The following CDC42SE2 variants were observed in gnomAD, a reference collection of about 807,000 sequenced individuals.
The protein encoded by CDC42SE2 is CDC42 small effector 2, also known as CDC42 small effector protein 2.
Under a neutral mutation model 11.5 loss-of-function variants are expected in CDC42SE2, and 3 were observed. The ratio of observed to expected loss-of-function variants is 0.26; its 90% confidence interval spans 0.12 to 0.67. CDC42SE2 has a LOEUF of 0.67. Among genes scored for constraint, CDC42SE2 ranks in the 30% least tolerant of loss-of-function variants. The probability of loss-of-function intolerance (pLI) is 0.80; values close to 1 mark genes in which losing one functional copy is unlikely to be tolerated. For synonymous variants in CDC42SE2, 33 were observed against 34.8 expected (o/e 0.95, Z 0.18); for missense variants, 82 against 106.8 (o/e 0.77, Z 1.02).
chr5:131,329,879 C>CAAAAAAAAAAAAAAAAAAAAAAAA lies in CDC42SE2; in HGVS notation c.-286+13755_-286+13778dup, dbSNP rs747152132. 2.1e-4 allele frequency among the ~76,000 whole-genome samples: 12 copies of CAAAAAAAAAAAAAAAAAAAAAAAA among 56,626 alleles called. 2 individuals carry two copies. The highest frequency in any genetic ancestry group is 2.8e-4 in the Non-Finnish European group (7 of 25,238). 37.1% of individuals were successfully genotyped at this position (56,626 alleles called of 152,430 possible). A position where few individuals can be genotyped will look rare whatever the true frequency, so the allele number is the denominator to read the frequency against. On this transcript the variant is annotated intron_variant, in intron 2 of 4. Coordinates refer to ENST00000505065, the MANE Select transcript of CDC42SE2 (RefSeq NM_001375635.1). Reference sequence around the variant, plus strand: ...GGGCAACAAGAGTGAAACTCCATCTCAAAAAAAAAAAAAAAAAAAAAAAAA... The same window carrying CAAAAAAAAAAAAAAAAAAAAAAAA: ...GGGCAACAAGAGTGAAACTCCATCTCAAAAAAAAAAAAAAAAAAAAAAAAAAAAAAAAAAAAAAAAAAAAAAAAA...
At chr5:131,211,040 G>A in the CDC42SE2 span, among the ~76,000 whole-genome samples, 1 of 152,174 alleles carries the variant, frequency 6.6e-6, no homozygotes, top group African/African-American at 2.4e-5. Context: ...GTTTTGCCAT[G>A]TAGGCTAGGC....
chr5:131,312,179 G>T (rs1272546788), intron 1 of CDC42SE2, among the ~76,000 whole-genome samples: 1 of 151,812 alleles, frequency 6.6e-6, no homozygotes, highest in African/African-American at 2.4e-5. Context: ...ACCCTCAGCT[G>T]CCGGTCTGTT....
intron 1 of CDC42SE2, among the ~76,000 whole-genome samples, chr5:131,309,390 T>G (rs2149722623): frequency 6.6e-6 from 1 of 152,276 alleles, no homozygotes; most frequent in South Asian, 2.1e-4. Context: ...TCATCAAGGA[T>G]ATTGGTCTAA....
rs933566483 is a variant in CDC42SE2, at chr5:131,291,213, G to T, written c.-454-24763G>T. Reference sequence around the variant, plus strand: ...TATATAATGAAGGTGAATTATTATGGTCCATGAATTTATGTATATGATTTT... The same window carrying T: ...TATATAATGAAGGTGAATTATTATGTTCCATGAATTTATGTATATGATTTT... On this transcript the variant is annotated intron_variant, in intron 1 of 4. Coordinates refer to ENST00000505065, the MANE Select transcript of CDC42SE2 (RefSeq NM_001375635.1). 6.0e-4 allele frequency among the ~76,000 whole-genome samples: 91 copies of T among 152,022 alleles called. 1 individual carries two copies. The highest frequency in any genetic ancestry group is 2.0e-3 in the African/African-American group (83 of 41,482).
At chr5:131,227,654 T>C in the CDC42SE2 span, among the ~76,000 whole-genome samples, 1 of 152,244 alleles carries the variant, frequency 6.6e-6, no homozygotes, top group South Asian at 2.1e-4. Flanking sequence ...CGAAAAGTTC[T>C]GTTTATTTGC....
intron 1 of CDC42SE2, among the ~76,000 whole-genome samples, chr5:131,313,955 G>T (rs1188284526): frequency 6.6e-6 from 1 of 152,130 alleles, no homozygotes; most frequent in Non-Finnish European, 1.5e-5. Flanking sequence ...GGCCTTCCGA[G>T]TAGCTGGGAT....
At chr5:131,276,819 C>T (rs1757112119) in intron 1 of CDC42SE2, among the ~76,000 whole-genome samples, 1 of 151,486 alleles carries the variant, frequency 6.6e-6, no homozygotes, top group South Asian at 2.1e-4. Flanking sequence ...TCTCTGCCTC[C>T]TGGCTTCAAG....
chr5:131,376,826 C>A (rs1750169364), intron 3 of CDC42SE2, among the ~76,000 whole-genome samples: 1 of 152,092 alleles, frequency 6.6e-6, no homozygotes, highest in African/African-American at 2.4e-5. Flanking sequence ...TGGTCTAGTT[C>A]TTTTTTATGG....
chr5:131,346,199 C>T (rs964651149), intron 2 of CDC42SE2, among the ~76,000 whole-genome samples: 1 of 152,074 alleles, frequency 6.6e-6, no homozygotes, highest in South Asian at 2.1e-4. Flanking sequence ...TTAAAAGACA[C>T]AGACTGGCAA....
the CDC42SE2 span, among the ~76,000 whole-genome samples, chr5:131,210,633 C>T: frequency 6.6e-6 from 1 of 152,192 alleles, no homozygotes; most frequent in Non-Finnish European, 1.5e-5. Context: ...TCTATTATCT[C>T]TTTGCAAATC....
chr5:131,282,324 G>A (rs573786124), intron 1 of CDC42SE2, among the ~76,000 whole-genome samples: 1 of 152,238 alleles, frequency 6.6e-6, no homozygotes, highest in Admixed American at 6.5e-5. Context: ...ATTAAGATAT[G>A]GGGAGAAAGT....
At chr5:131,258,660 C>G (rs1417446332) in intron 2 of CDC42SE2, among the ~76,000 whole-genome samples, 3 of 152,184 alleles carry the variant, frequency 2.0e-5, no homozygotes, top group Non-Finnish European at 4.4e-5. Flanking sequence ...CTAAAATCAT[C>G]TCCCACACCA....
chr5:131,218,527 C>T, the CDC42SE2 span, among the ~76,000 whole-genome samples: 3 of 152,178 alleles, frequency 2.0e-5, no homozygotes, highest in Non-Finnish European at 4.4e-5. Context: ...AGCACTTGCA[C>T]TCTGAGGTAT....
chr5:131,368,276 A>C (rs931385692), intron 3 of CDC42SE2, among the ~76,000 whole-genome samples: 27 of 150,000 alleles, frequency 1.8e-4, no homozygotes, highest in Non-Finnish European at 3.2e-4. Context: ...AAAAAAAAGA[A>C]GTCTTTCCCC....
chr5:131,292,562 A>G (rs975505363), intron 1 of CDC42SE2, among the ~76,000 whole-genome samples: 41 of 32,706 alleles, frequency 1.3e-3, no homozygotes, highest in Non-Finnish European at 8.9e-3. Context: ...TCCATCTCAA[A>G]AAAAAAAAAA....
upstream of CDC42SE2, chr5:131,261,327 T>C (rs1756723670): frequency 6.6e-6 from 1 of 152,232 alleles, no homozygotes; most frequent in Admixed American, 6.5e-5. Flanking sequence ...ATAATGACTC[T>C]AGAAAAATTT....
chr5:131,347,483 G>C (rs549181372), intron 2 of CDC42SE2, among the ~76,000 whole-genome samples: 50 of 152,190 alleles, frequency 3.3e-4, no homozygotes, highest in East Asian at 1.9e-4. Flanking sequence ...CCAATAACAG[G>C]CTCTGAAATT....
intron 1 of CDC42SE2, among the ~76,000 whole-genome samples, chr5:131,315,749 A>G (rs1758028229): frequency 6.6e-6 from 1 of 152,214 alleles, no homozygotes; most frequent in Non-Finnish European, 1.5e-5. Flanking sequence ...CCCGGTGGGT[A>G]GATATAATGT....
chr5:131,290,486 G>GTTTTTTTTTTTTTT (rs532593648), intron 1 of CDC42SE2, among the ~76,000 whole-genome samples: 1 of 103,118 alleles, frequency 9.7e-6, no homozygotes, highest in African/African-American at 3.7e-5. Flanking sequence ...TTTTTTTTTT[G>GTTTTTTTTTTTTTT]TTTTTTTTTT....
Sources: allele counts gnomAD v4.1 joint callset (sites outside exome capture counted in the v4.1 genomes callset), GRCh38; gene constraint gnomAD v4.1.1; transcripts MANE v1.5; gene names NCBI Gene and HGNC (gene_info 2026-07-23, HGNC 2026-07-21).